DAP: variants seen among roughly 807,000 people sequenced by gnomAD.
DAP encodes death associated protein, also known as death-associated protein 1.
In DAP, 8 loss-of-function variants were observed where a neutral mutation model predicts 13.8. That is an observed-to-expected ratio of 0.58 (90% confidence interval 0.34 to 1.05). The LOEUF (loss-of-function observed/expected upper bound fraction) is 1.05. DAP is among the 50% of genes least tolerant of loss of function. DAP has a pLI of 0.03. For synonymous variants in DAP, 47 were observed against 47.5 expected, an observed-to-expected ratio of 0.99 and a Z score of 0.04; for missense variants, 106 against 133.2, an observed-to-expected ratio of 0.80 and a Z score of 1.01.
intron 2 of DAP, among the ~76,000 whole-genome samples, chr5:10,740,925 T>C (rs1296762891): frequency 6.6e-6 from 1 of 152,248 alleles, no homozygotes; most frequent in Non-Finnish European, 1.5e-5. Flanking sequence ...AAAAGGCTAC[T>C]ATTAAAAACA....
At position 10,728,641 on chromosome 5, in the gene DAP, T is replaced by C. The variant is rs144835135; in HGVS notation, c.152+19534A>G. On this transcript the variant is annotated intron_variant, in intron 2 of 3. Transcript: ENST00000230895. ...AGTAAGTCCAAGTAAACAGATACAATCACCAAACTCCTGGGTTCAAATTAA... is the reference window on the plus strand; with the variant it reads ...AGTAAGTCCAAGTAAACAGATACAACCACCAAACTCCTGGGTTCAAATTAA... 3.4e-3 allele frequency among the ~76,000 whole-genome samples: 520 copies of C among 152,302 alleles called. 3 individuals are homozygous for C. The highest frequency in any genetic ancestry group is 0.012 in the African/African-American group (506 of 41,556).
In DAP at chr5:10,692,302, T is replaced by A. The variant is rs1738327084; in HGVS notation, c.153-8731A>T. Among the ~76,000 whole-genome samples the A allele has an allele frequency of 2.0e-5, 3 of 152,230 alleles. No homozygotes were observed. The East Asian group carries it at 5.8e-4, about 29-fold the overall frequency. ...TCATCGTGGTGCTCTGACAGCCTGG[T>A]TTCTGCCCCAGTTCTGAGAGGTGTA... On this transcript the variant is annotated intron_variant, in intron 2 of 3. Coordinates refer to ENST00000230895, the MANE Select transcript of DAP (RefSeq NM_004394.3).
At chr5:10,717,732 G>A (rs1739027326) in intron 2 of DAP, among the ~76,000 whole-genome samples, 1 of 152,214 alleles carries the variant, frequency 6.6e-6, no homozygotes, top group Non-Finnish European at 1.5e-5. Flanking sequence ...GACCATCAAA[G>A]GCAAGGTGGG....
At position 10,680,634 on chromosome 5, in the gene DAP, G is replaced by T; in HGVS notation, c.*422C>A. On this transcript the variant is annotated 3_prime_UTR_variant, in exon 4 of 4. Transcript: ENST00000230895. ...CCTTAGTTCTTACTCTCCCACAGGT[G>T]TTGAGATTTTATTGGCCCATACTAA... The T allele has an allele frequency of 1.8e-6, 2 of 1,131,064 alleles. No individual in the cohort carries two copies. The highest frequency in any genetic ancestry group is 2.5e-6 in the Non-Finnish European group (2 of 806,716). 70.1% of individuals were successfully genotyped at this position (1,131,064 alleles called of 1,614,324 possible).
At chr5:10,684,202 C>T (rs1406475535) in intron 2 of DAP, among the ~76,000 whole-genome samples, 1 of 152,202 alleles carries the variant, frequency 6.6e-6, no homozygotes, top group Non-Finnish European at 1.5e-5. Flanking sequence ...GATCGTGAAA[C>T]AGGCGCTTCC....
In DAP at chr5:10,681,155, G is replaced by GA; in HGVS notation, c.209dup (p.Ala73GlyfsTer68). The GA allele has an allele frequency of 6.6e-7, 1 of 1,512,430 alleles. No individual in the cohort carries two copies. The allele number at this position is 1,512,430 out of a possible 1,614,324, so 93.7% of individuals were successfully genotyped here. A position where few individuals can be genotyped will look rare whatever the true frequency, so the allele number is the denominator to read the frequency against. ...GAGCCACCTGCGCAGCCGCCGGGGGGAAATCTTTGTCACCCTGTCAGGAAA... is the reference window on the plus strand; with the variant it reads ...GAGCCACCTGCGCAGCCGCCGGGGGGAAAATCTTTGTCACCCTGTCAGGAAA... On this transcript the variant is annotated frameshift_variant, in exon 4 of 4. Transcript: ENST00000230895. LOFTEE classifies it high-confidence loss of function.
At chr5:10,724,432 G>C (rs1739233250) in intron 2 of DAP, among the ~76,000 whole-genome samples, 1 of 152,098 alleles carries the variant, frequency 6.6e-6, no homozygotes, top group African/African-American at 2.4e-5. Context: ...AGTCCCATAA[G>C]AGAAAGAGAC....
At chr5:10,698,786 A>T (rs1738494723) in intron 2 of DAP, among the ~76,000 whole-genome samples, 1 of 152,212 alleles carries the variant, frequency 6.6e-6, no homozygotes, top group African/African-American at 2.4e-5. Context: ...ATTTGGAGGA[A>T]AGAGACTTTA....
intron 2 of DAP, among the ~76,000 whole-genome samples, chr5:10,718,123 T>C (rs2126656687): frequency 6.6e-6 from 1 of 152,314 alleles, no homozygotes; most frequent in Middle Eastern, 3.4e-3. Context: ...AGAGTAACTG[T>C]GGATTGGGGA....
chr5:10,687,905 C>CTTTTTTT (rs1199947263), intron 2 of DAP, among the ~76,000 whole-genome samples: 11 of 110,644 alleles, frequency 9.9e-5, no homozygotes, highest in African/African-American at 4.2e-4. Flanking sequence ...TCATTGTTGT[C>CTTTTTTT]TTTTTTTTTT....
intron 1 of DAP, among the ~76,000 whole-genome samples, chr5:10,754,695 G>A (rs982984170): frequency 1.3e-5 from 2 of 152,212 alleles, no homozygotes; most frequent in African/African-American, 4.8e-5. Flanking sequence ...ATCCTTGAGT[G>A]CAGGGAGGCT....
intron 1 of DAP, among the ~76,000 whole-genome samples, chr5:10,752,118 C>T (rs1358825299): frequency 1.3e-5 from 2 of 152,224 alleles, no homozygotes; most frequent in Non-Finnish European, 2.9e-5. Flanking sequence ...ATGATCAAGT[C>T]TTCTGAAGCT....
chr5:10,720,704 G>A (rs1739112822), intron 2 of DAP, among the ~76,000 whole-genome samples: 2 of 152,182 alleles, frequency 1.3e-5, no homozygotes, highest in Admixed American at 6.5e-5. Flanking sequence ...CAGCAGCAGA[G>A]ACCAACACTG....
chr5:10,743,916 A>T (rs927589489), intron 2 of DAP, among the ~76,000 whole-genome samples: 1 of 152,232 alleles, frequency 6.6e-6, no homozygotes, highest in Non-Finnish European at 1.5e-5. Flanking sequence ...TTAACACAGC[A>T]TCTCAAAACA....
chr5:10,695,154 A>T (rs796831687), intron 2 of DAP, among the ~76,000 whole-genome samples: 4 of 152,356 alleles, frequency 2.6e-5, no homozygotes, highest in African/African-American at 9.6e-5. Flanking sequence ...ATTTCTGGAT[A>T]ACATCATTCT....
intron 2 of DAP, among the ~76,000 whole-genome samples, chr5:10,698,699 T>C (rs1738491660): frequency 6.6e-6 from 1 of 152,052 alleles, no homozygotes; most frequent in South Asian, 2.1e-4. Context: ...ACACACATAC[T>C]ATACATATAT....
chr5:10,761,017 C>T lies in DAP; in HGVS notation c.52G>A (p.Ala18Thr). The change falls in exon 1 of 4, where the codon GCC becomes ACC. Residue 18 changes from alanine to threonine, a missense_variant. Physicochemically the swap from Ala to Thr is moderately conservative, Grantham distance 58. Transcript: ENST00000230895. ...KLETKAGHPPAVKAGGMRIVQ... is the reference protein window; with the variant it reads ...KLETKAGHPPTVKAGGMRIVQ... Reference sequence around the variant, plus strand: ...GAGAGAGGAAAAGAGTCAGTACCGGCGGGCGGGTGTCCAGCTTTAGTCTCT... The same window carrying T: ...GAGAGAGGAAAAGAGTCAGTACCGGTGGGCGGGTGTCCAGCTTTAGTCTCT... 2 of 1,211,928 alleles carry T rather than the reference C, an allele frequency of 1.7e-6. No individual in the cohort carries two copies. The highest frequency in any genetic ancestry group is 2.1e-6 in the Non-Finnish European group (2 of 963,992). 75.1% of individuals were successfully genotyped at this position (1,211,928 alleles called of 1,614,324 possible).
chr5:10,754,788 G>C (rs1380786654), intron 1 of DAP, among the ~76,000 whole-genome samples: 1 of 152,182 alleles, frequency 6.6e-6, no homozygotes, highest in Non-Finnish European at 1.5e-5. Context: ...GTTGAGGCTA[G>C]GACTAGTCAG....
intron 2 of DAP, among the ~76,000 whole-genome samples, chr5:10,718,929 A>G (rs1265118727): frequency 6.6e-6 from 1 of 152,202 alleles, no homozygotes; most frequent in Non-Finnish European, 1.5e-5. Context: ...AAGATATCAC[A>G]CTGGTCCATT....
Sources: allele counts gnomAD v4.1 joint callset (sites outside exome capture counted in the v4.1 genomes callset), GRCh38; gene constraint gnomAD v4.1.1; transcripts MANE v1.5; gene names NCBI Gene and HGNC (gene_info 2026-07-23, HGNC 2026-07-21).